DAB1: variants seen among roughly 807,000 people sequenced by gnomAD.
DAB1 encodes disabled homolog 1.
In DAB1, 15 loss-of-function variants were observed where a neutral mutation model predicts 64.6. The ratio of observed to expected loss-of-function variants is 0.23; its 90% CI spans 0.16 to 0.36. The LOEUF is 0.36. Ranked by LOEUF, DAB1 falls within the 10% of genes least tolerant of loss-of-function variation. DAB1 has a pLI of 1.00. For missense variants in DAB1, 596 were observed against 706.7 expected (o/e 0.84, Z 1.78); for synonymous variants, 235 against 251.9 (o/e 0.93, Z 0.64).
chr1:58,443,506 G>A (rs917431037), intron 3 of DAB1, among the ~76,000 whole-genome samples: 1 of 152,184 alleles, frequency 6.6e-6, no homozygotes, highest in Non-Finnish European at 1.5e-5. Flanking sequence ...AAGAGCATTA[G>A]TGGAAAAACT....
chr1:57,108,202 A>C (rs1459238379), intron 4 of DAB1, among the ~76,000 whole-genome samples: 2 of 152,222 alleles, frequency 1.3e-5, no homozygotes, highest in African/African-American at 2.4e-5. Context: ...TGAGCCTATT[A>C]GCAGCCTCAG....
chr1:57,817,111 CTGAA>C (rs1158938978), intron 6 of DAB1, among the ~76,000 whole-genome samples: 2 of 127,400 alleles, frequency 1.6e-5, no homozygotes, highest in African/African-American at 5.5e-5. Context: ...GTGGGGAAGA[CTGAA>C]TGAAGAGAGG....
intron 2 of DAB1, among the ~76,000 whole-genome samples, chr1:57,283,039 T>C (rs918832164): frequency 6.6e-6 from 1 of 152,228 alleles, no homozygotes; most frequent in African/African-American, 2.4e-5. Context: ...ACTTCAGCAC[T>C]GCTAAGACCT....
intron 5 of DAB1, among the ~76,000 whole-genome samples, chr1:58,094,928 G>C (rs959773983): frequency 6.6e-6 from 1 of 152,222 alleles, no homozygotes; most frequent in African/African-American, 2.4e-5. Context: ...ACTTAAAGTT[G>C]CAAGTCCTTA....
At chr1:57,711,510 C>A (rs1647029340) in intron 6 of DAB1, among the ~76,000 whole-genome samples, 1 of 152,204 alleles carries the variant, frequency 6.6e-6, no homozygotes, top group South Asian at 2.1e-4. Flanking sequence ...TGCTGCTTTG[C>A]AGCTGTCTGC....
At chr1:58,091,759 T>C (rs1284747291) in intron 5 of DAB1, among the ~76,000 whole-genome samples, 2 of 152,172 alleles carry the variant, frequency 1.3e-5, no homozygotes, top group Non-Finnish European at 2.9e-5. Context: ...TATCTCTGTC[T>C]GGGATTTTCA....
At chr1:57,525,190 C>T (rs1432972148) in intron 7 of DAB1, among the ~76,000 whole-genome samples, 2 of 151,888 alleles carry the variant, frequency 1.3e-5, no homozygotes, top group African/African-American at 4.8e-5. Context: ...ATATGTAGAA[C>T]CAAGGAAACA....
At chr1:58,129,704 T>C (rs566547924) in intron 5 of DAB1, among the ~76,000 whole-genome samples, 9 of 148,636 alleles carry the variant, frequency 6.1e-5, no homozygotes, top group African/African-American at 2.2e-4. Context: ...TCTGCCTTCA[T>C]TTCGTTATGT....
chr1:57,546,872 A>G (rs1031192990), intron 7 of DAB1, among the ~76,000 whole-genome samples: 2 of 152,202 alleles, frequency 1.3e-5, no homozygotes, highest in African/African-American at 4.8e-5. Flanking sequence ...ATATATGCAC[A>G]TGGGCAGAAT....
At chr1:58,117,237 T>C (rs1390044209) in intron 5 of DAB1, among the ~76,000 whole-genome samples, 1 of 152,220 alleles carries the variant, frequency 6.6e-6, no homozygotes, top group Non-Finnish European at 1.5e-5. Flanking sequence ...ACGTGTTGCC[T>C]GTACTAGTAA....
chr1:57,919,032 T>C (rs1644772734), intron 5 of DAB1, among the ~76,000 whole-genome samples: 1 of 152,192 alleles, frequency 6.6e-6, no homozygotes, highest in South Asian at 2.1e-4. Flanking sequence ...GGGTAGGTGG[T>C]GCAATATATT....
chr1:57,018,373 T>C (rs144518492), intron 11 of DAB1, among the ~76,000 whole-genome samples: 123 of 152,338 alleles, frequency 8.1e-4, no homozygotes, highest in African/African-American at 2.8e-3. Context: ...CTGACTCTTA[T>C]GTCTTCTAGT....
chr1:58,417,955 C>T (rs755857364), intron 3 of DAB1, among the ~76,000 whole-genome samples: 1 of 152,156 alleles, frequency 6.6e-6, no homozygotes, highest in Non-Finnish European at 1.5e-5. Context: ...AACTCTTGCT[C>T]TTACACTTCT....
At chr1:57,465,339 T>C (rs1288092047) in intron 7 of DAB1, among the ~76,000 whole-genome samples, 1 of 152,184 alleles carries the variant, frequency 6.6e-6, no homozygotes, top group Non-Finnish European at 1.5e-5. Flanking sequence ...TGGTCATCTG[T>C]GCTAGATTTT....
At chr1:58,131,987 C>T (rs1653621657) in intron 5 of DAB1, among the ~76,000 whole-genome samples, 1 of 151,952 alleles carries the variant, frequency 6.6e-6, no homozygotes, top group African/African-American at 2.4e-5. Flanking sequence ...GGGCTCCACC[C>T]AGTTCGAGCT....
intron 3 of DAB1, among the ~76,000 whole-genome samples, chr1:58,450,450 A>G (rs1569812746): frequency 6.6e-6 from 1 of 152,150 alleles, no homozygotes; most frequent in Non-Finnish European, 1.5e-5. Context: ...ACTCGCTTCC[A>G]AAAAACAGAA....
chr1:57,673,544 C>T (rs1395122184), intron 6 of DAB1, among the ~76,000 whole-genome samples: 1 of 152,040 alleles, frequency 6.6e-6, no homozygotes, highest in Non-Finnish European at 1.5e-5. Context: ...TCTCAGGGAA[C>T]ATTGTGGATG....
intron 5 of DAB1, among the ~76,000 whole-genome samples, chr1:57,962,605 C>G (rs952565938): frequency 6.6e-6 from 1 of 152,126 alleles, no homozygotes; most frequent in Admixed American, 6.6e-5. Flanking sequence ...GGTGTGGTGG[C>G]TTGCACCTAT....
intron 4 of DAB1, among the ~76,000 whole-genome samples, chr1:58,166,240 C>T (rs889480810): frequency 5.3e-5 from 8 of 152,092 alleles, no homozygotes; most frequent in Admixed American, 1.3e-4. Context: ...TTTACATAAC[C>T]GTGCAACTAT....
Sources: gnomAD v4.1 joint callset for allele counts (sites outside exome capture counted in the v4.1 genomes callset) on GRCh38, gnomAD v4.1.1 for gene constraint, MANE v1.5 for transcripts, NCBI Gene and HGNC (gene_info 2026-07-23, HGNC 2026-07-21) for gene names.